The following SVEP1 variants were observed in gnomAD, a reference collection of about 807,000 sequenced individuals.
The protein encoded by SVEP1 is sushi, von Willebrand factor type A, EGF and pentraxin domain-containing protein 1.
Under a neutral mutation model 367.3 loss-of-function variants are expected in SVEP1, and 164 were observed. The observed-to-expected ratio is 0.45, with a 90% CI of 0.39 to 0.51. The LOEUF (loss-of-function observed/expected upper bound fraction) is 0.51. SVEP1 is among the 20% of genes least tolerant of loss of function. SVEP1 has a pLI of 0.00. For missense variants in SVEP1, 4,117 were observed against 4,425.3 expected, an observed-to-expected ratio of 0.93 and a Z score of 1.98; for synonymous variants, 1,666 against 1,611.6, an observed-to-expected ratio of 1.03 and a Z score of -0.81.
At chr9:110,544,572 T>C (rs10980436) in intron 3 of SVEP1, among the ~76,000 whole-genome samples, 5 of 152,230 alleles carry the variant, frequency 3.3e-5, no homozygotes, top group African/African-American at 9.6e-5. Flanking sequence ...GATCTTCTTA[T>C]AAGAAAACCT....
At chr9:110,400,413 C>G (rs183700457) in intron 40 of SVEP1, among the ~76,000 whole-genome samples, 2 of 151,756 alleles carry the variant, frequency 1.3e-5, no homozygotes, top group Admixed American at 1.3e-4. Context: ...GCCTCCCAGG[C>G]TGGAGTGCAG....
chr9:110,403,466 G>A (rs562266963), intron 39 of SVEP1, among the ~76,000 whole-genome samples: 12 of 151,558 alleles, frequency 7.9e-5, no homozygotes, highest in South Asian at 6.3e-4. Context: ...CACTATGCCC[G>A]GCTAATTTTT....
chr9:110,570,645 T>C lies in SVEP1; in HGVS notation c.531+8368A>G, dbSNP rs369583301. Among the ~76,000 whole-genome samples, 255 of 152,290 alleles carry C rather than the reference T, an allele frequency of 1.7e-3. 1 individual carries two copies. The highest frequency in any genetic ancestry group is 5.8e-3 in the African/African-American group (243 of 41,562). ...ACAGGTGTGCACCACCACTCCCATC[T>C]AAATTTTGTAGTTTTAGTAGAGACG... On this transcript the variant is annotated intron_variant, in intron 1 of 47. Coordinates refer to ENST00000374469, the MANE Select transcript of SVEP1 (RefSeq NM_153366.4).
chr9:110,428,428 A>C (rs995308713), intron 35 of SVEP1, among the ~76,000 whole-genome samples: 6 of 151,442 alleles, frequency 4.0e-5, no homozygotes, highest in Admixed American at 3.3e-4. Flanking sequence ...ACACACACAC[A>C]CCATTAATCT....
chr9:110,546,887 T>A (rs1321645826), intron 2 of SVEP1, among the ~76,000 whole-genome samples: 1 of 152,204 alleles, frequency 6.6e-6, no homozygotes, highest in Non-Finnish European at 1.5e-5. Flanking sequence ...GTTTAGAAAG[T>A]GACTTGACAG....
intron 21 of SVEP1, among the ~76,000 whole-genome samples, chr9:110,456,166 A>T (rs1291918054): frequency 6.6e-6 from 1 of 152,136 alleles, no homozygotes; most frequent in Non-Finnish European, 1.5e-5. Context: ...CTGTGCTGGA[A>T]ACCCATATTC....
intron 39 of SVEP1, among the ~76,000 whole-genome samples, chr9:110,403,301 T>TTG (rs1554712280): frequency 5.6e-5 from 7 of 124,058 alleles, no homozygotes; most frequent in African/African-American, 1.7e-4. Context: ...CCGCCGTTTT[T>TTG]TTTTTTTTTT....
Position 110,408,956 on chromosome 9 carries a change from G to T in SVEP1, c.6649-5C>A. 6.4e-7 allele frequency: 1 copy of T among 1,552,984 alleles called. No homozygotes were observed. Reference sequence around the variant, plus strand: ...AAAGATCCTGCCAGTTGTATGCTGTGCAACAGGAAGAAAGCAAGTGAGTGC... The same window carrying T: ...AAAGATCCTGCCAGTTGTATGCTGTTCAACAGGAAGAAAGCAAGTGAGTGC... On this transcript the variant is annotated splice_region_variant and splice_polypyrimidine_tract_variant and intron_variant, in intron 37 of 47. Coordinates refer to ENST00000374469, the MANE Select transcript of SVEP1 (RefSeq NM_153366.4).
intron 42 of SVEP1, 80 bp downstream of exon 42, chr9:110,387,205 C>G: frequency 1.4e-6 from 2 of 1,429,530 alleles, no homozygotes; most frequent in South Asian, 3.2e-5. Context: ...ATGAGTGGAG[C>G]TTCCTCTATG....
chr9:110,471,814 A>G (rs1009288117), intron 15 of SVEP1, among the ~76,000 whole-genome samples: 2 of 152,216 alleles, frequency 1.3e-5, no homozygotes, highest in South Asian at 4.1e-4. Context: ...AAGACTAAGA[A>G]CTATACAATT....
chr9:110,552,867 A>C (rs1477036215), intron 1 of SVEP1, among the ~76,000 whole-genome samples: 1 of 152,188 alleles, frequency 6.6e-6, no homozygotes, highest in Non-Finnish European at 1.5e-5. Flanking sequence ...GAAGAAGCTT[A>C]TGTATTCCAG....
intron 19 of SVEP1, 124 bp from the exon 20 acceptor site, chr9:110,458,686 A>G: frequency 9.6e-7 from 1 of 1,037,714 alleles, no homozygotes; most frequent in Non-Finnish European, 1.4e-6. Flanking sequence ...TGTTTCACTT[A>G]TATTTTAAAA....
chr9:110,474,733 A>G (rs1446502200), intron 14 of SVEP1, among the ~76,000 whole-genome samples: 1 of 152,176 alleles, frequency 6.6e-6, no homozygotes, highest in African/African-American at 2.4e-5. Flanking sequence ...CTTAATTTCC[A>G]AAATGTTCAC....
At chr9:110,412,625 A>G (rs1430181963) in intron 36 of SVEP1, among the ~76,000 whole-genome samples, 1 of 152,098 alleles carries the variant, frequency 6.6e-6, no homozygotes, top group Non-Finnish European at 1.5e-5. Flanking sequence ...AAATGGGAGA[A>G]AATTTTCACA....
chr9:110,456,771 T>A (rs1285329929), intron 21 of SVEP1, among the ~76,000 whole-genome samples: 2 of 152,222 alleles, frequency 1.3e-5, no homozygotes, highest in Non-Finnish European at 2.9e-5. Flanking sequence ...AATTCATACG[T>A]AATTCCTACA....
At chr9:110,515,203 T>A (rs1829783870) in intron 3 of SVEP1, among the ~76,000 whole-genome samples, 1 of 152,076 alleles carries the variant, frequency 6.6e-6, no homozygotes, top group South Asian at 2.1e-4. Context: ...AGACTTGCAA[T>A]GCTCAGTTAA....
intron 43 of SVEP1, among the ~76,000 whole-genome samples, chr9:110,383,002 A>G (rs770812855): frequency 6.6e-6 from 1 of 152,164 alleles, no homozygotes; most frequent in East Asian, 1.9e-4. Context: ...GGTTTAGAAC[A>G]TGTTCCTTTA....
At chr9:110,527,331 A>G (rs962492487) in intron 3 of SVEP1, among the ~76,000 whole-genome samples, 1 of 152,104 alleles carries the variant, frequency 6.6e-6, no homozygotes, top group Non-Finnish European at 1.5e-5. Flanking sequence ...CAGGGAAGGA[A>G]AATTTCAAGT....
chr9:110,503,574 T>C (rs774642192), intron 5 of SVEP1, among the ~76,000 whole-genome samples: 2 of 152,196 alleles, frequency 1.3e-5, no homozygotes, highest in Non-Finnish European at 2.9e-5. Flanking sequence ...TTTTTCAGGC[T>C]ACATTACAAC....
Sources: gnomAD v4.1 joint callset for allele counts (sites outside exome capture counted in the v4.1 genomes callset) on GRCh38, gnomAD v4.1.1 for gene constraint, MANE v1.5 for transcripts, NCBI Gene and HGNC (gene_info 2026-07-23, HGNC 2026-07-21) for gene names.